IL1RAPL1: variants seen among roughly 807,000 people sequenced by gnomAD.
IL1RAPL1 encodes the protein interleukin 1 receptor accessory protein like 1.
IL1RAPL1 carries 3 observed loss-of-function variants against 48.4 expected under a neutral mutation model. The observed-to-expected ratio is 0.06, with a 90% CI of 0.03 to 0.16. IL1RAPL1 has a LOEUF of 0.16. Ranked by LOEUF, IL1RAPL1 falls within the 10% of genes least tolerant of loss-of-function variation. The probability of loss-of-function intolerance (pLI) is 1.00; values close to 1 mark genes in which losing one functional copy is unlikely to be tolerated. For missense variants in IL1RAPL1, 349 were observed against 530.6 expected, an observed-to-expected ratio of 0.66 and a Z score of 3.36; for synonymous variants, 185 against 187.7, an observed-to-expected ratio of 0.99 and a Z score of 0.12.
At chrX:28,983,938 A>G (rs752267997) in intron 2 of IL1RAPL1, among the ~76,000 whole-genome samples, 45 of 112,190 alleles carry the variant, frequency 4.0e-4, no homozygotes, top group Non-Finnish European at 7.1e-4. Flanking sequence ...CAAATATGTC[A>G]TGATTGTCAA....
At chrX:29,740,923 C>A (rs1475962176) in intron 6 of IL1RAPL1, among the ~76,000 whole-genome samples, 1 of 112,377 alleles carries the variant, frequency 8.9e-6, no homozygotes, top group Non-Finnish European at 1.9e-5. Context: ...TAGTTCCTCA[C>A]TTATGACTTG....
intron 2 of IL1RAPL1, among the ~76,000 whole-genome samples, chrX:28,973,929 G>A (rs1251208509): frequency 1.8e-5 from 2 of 112,350 alleles, no homozygotes; most frequent in Non-Finnish European, 1.9e-5. Context: ...GTATCCTTTG[G>A]TTTATGATCT....
chrX:28,837,829 A>G (rs759526560), intron 2 of IL1RAPL1, among the ~76,000 whole-genome samples: 1 of 106,248 alleles, frequency 9.4e-6, no homozygotes, highest in South Asian at 4.3e-4. Context: ...TCACCCACAT[A>G]GCAATACCAC....
chrX:29,873,032 C>T (rs1231416962), intron 6 of IL1RAPL1, among the ~76,000 whole-genome samples: 4 of 111,494 alleles, frequency 3.6e-5, no homozygotes, highest in Non-Finnish European at 3.8e-5. Flanking sequence ...ACAAGTGGTT[C>T]CCTTTGTTGA....
chrX:29,228,618 G>T (rs1931135813), intron 2 of IL1RAPL1, among the ~76,000 whole-genome samples: 1 of 110,847 alleles, frequency 9.0e-6, no homozygotes, highest in African/African-American at 3.3e-5. Context: ...CTCCCAAAGT[G>T]CTGGGATTAC....
chrX:29,806,176 G>T (rs1016139836), intron 6 of IL1RAPL1, among the ~76,000 whole-genome samples: 1 of 111,102 alleles, frequency 9.0e-6, no homozygotes, highest in African/African-American at 3.3e-5. Context: ...TTTTTCTGTT[G>T]CTCTTGCTCT....
At chrX:29,616,504 G>A (rs1197976043) in intron 5 of IL1RAPL1, among the ~76,000 whole-genome samples, 9 of 82,371 alleles carry the variant, frequency 1.1e-4, no homozygotes, top group Admixed American at 3.1e-4. Context: ...AACAGGCCTC[G>A]GTGTGTGATG....
At chrX:28,664,888 C>T (rs1264047331) in intron 1 of IL1RAPL1, among the ~76,000 whole-genome samples, 11 of 111,478 alleles carry the variant, frequency 9.9e-5, no homozygotes, top group African/African-American at 3.3e-4. Context: ...AAGGGAAGAG[C>T]AGAACTGTAG....
chrX:28,904,803 T>C (rs1461725845), intron 2 of IL1RAPL1, among the ~76,000 whole-genome samples: 1 of 112,298 alleles, frequency 8.9e-6, no homozygotes, highest in Non-Finnish European at 1.9e-5. Flanking sequence ...GAGAAAAAAG[T>C]ATAAAACAAA....
chrX:29,488,175 C>G (rs896314197), intron 5 of IL1RAPL1, among the ~76,000 whole-genome samples: 2 of 112,501 alleles, frequency 1.8e-5, no homozygotes, highest in Non-Finnish European at 3.8e-5. Context: ...CATGGTGGCT[C>G]ACGCCTGTAA....
At chrX:28,719,279 A>T (rs1472987215) in intron 1 of IL1RAPL1, among the ~76,000 whole-genome samples, 1 of 111,270 alleles carries the variant, frequency 9.0e-6, no homozygotes, top group East Asian at 2.8e-4. Flanking sequence ...TTATAAATCA[A>T]TAAGATAATA....
chrX:28,737,146 C>T (rs768137371), intron 1 of IL1RAPL1, among the ~76,000 whole-genome samples: 2,251 of 29,506 alleles, frequency 0.076, 112 homozygotes, highest in South Asian at 0.084. Flanking sequence ...TCCTTCCTTC[C>T]TTCCTTCCTT....
intron 2 of IL1RAPL1, among the ~76,000 whole-genome samples, chrX:29,101,573 C>T (rs1444949621): frequency 9.0e-6 from 1 of 111,612 alleles, no homozygotes; most frequent in Non-Finnish European, 1.9e-5. Flanking sequence ...AGGCCAATAT[C>T]CCAGATAAAC....
At chrX:28,614,653 C>G (rs947881154) in intron 1 of IL1RAPL1, among the ~76,000 whole-genome samples, 3 of 111,133 alleles carry the variant, frequency 2.7e-5, no homozygotes, top group African/African-American at 9.8e-5. Flanking sequence ...CGACGATACA[C>G]AGTAGTGTTT....
intron 5 of IL1RAPL1, among the ~76,000 whole-genome samples, chrX:29,652,499 T>C (rs955560603): frequency 1.8e-5 from 2 of 111,609 alleles, no homozygotes; most frequent in African/African-American, 6.5e-5. Context: ...TTCTAAATGA[T>C]TCCAAGAAAG....
At chrX:29,309,333 T>G (rs1932672431) in intron 3 of IL1RAPL1, among the ~76,000 whole-genome samples, 1 of 110,943 alleles carries the variant, frequency 9.0e-6, no homozygotes, top group Non-Finnish European at 1.9e-5. Flanking sequence ...ATTGGGCTTA[T>G]CAAAATTAGG....
At chrX:28,815,853 A>C (rs868303491) in intron 2 of IL1RAPL1, among the ~76,000 whole-genome samples, 1 of 63,253 alleles carries the variant, frequency 1.6e-5, no homozygotes, top group African/African-American at 5.2e-5. Context: ...ATATATATAT[A>C]TATATATATA....
chrX:28,633,636 A>C (rs1934425082), intron 1 of IL1RAPL1, among the ~76,000 whole-genome samples: 1 of 112,158 alleles, frequency 8.9e-6, no homozygotes, highest in Admixed American at 9.5e-5. Flanking sequence ...TGGTTCAAAT[A>C]ATGTGTTTTC....
At chrX:29,286,626 C>T (rs903589167) in intron 3 of IL1RAPL1, among the ~76,000 whole-genome samples, 10 of 111,936 alleles carry the variant, frequency 8.9e-5, no homozygotes, top group Non-Finnish European at 1.7e-4. Context: ...GAGTTTGAGG[C>T]TGCAGTGAGC....
Sources: gnomAD v4.1 joint callset for allele counts (sites outside exome capture counted in the v4.1 genomes callset) on GRCh38, gnomAD v4.1.1 for gene constraint, MANE v1.5 for transcripts, NCBI Gene and HGNC (gene_info 2026-07-23, HGNC 2026-07-21) for gene names.